The following TCF4 variants were observed in gnomAD, a reference collection of about 807,000 sequenced individuals.
The protein encoded by TCF4 is transcription factor 4, also known as SL3-3 enhancer factor 2.
A neutral mutation model predicts 82.1 loss-of-function variants in TCF4; 3 were observed. The ratio of observed to expected loss-of-function variants is 0.04; its 90% CI spans 0.02 to 0.09. The LOEUF (loss-of-function observed/expected upper bound fraction) is 0.09, where lower values mean the gene tolerates loss of function less well. Among genes scored for constraint, TCF4 ranks in the 10% least tolerant of loss-of-function variants. The pLI is 1.00. For missense variants in TCF4, 518 were observed against 852.7 expected (o/e 0.61, Z 4.89); for synonymous variants, 276 against 309.6 (o/e 0.89, Z 1.14).
At chr18:55,413,953 G>C (rs185229357) in intron 5 of TCF4, among the ~76,000 whole-genome samples, 1 of 152,170 alleles carries the variant, frequency 6.6e-6, no homozygotes, top group African/African-American at 2.4e-5. Flanking sequence ...GGATGCAAGA[G>C]AGTCAACAAT....
rs555488030 is a variant in TCF4, at chr18:55,401,622, G to A, written c.369+1832C>T. On this transcript the variant is annotated intron_variant, in intron 6 of 19. Coordinates refer to ENST00000354452, the MANE Select transcript of TCF4 (RefSeq NM_001083962.2). ...AAAAAAATTAACTTCAGTTTCACCC[G>A]AGGGAAGTATTCCCCACAAACGGAG... 82 of 988,962 alleles carry A rather than the reference G, an allele frequency of 8.3e-5. No individual in the cohort carries two copies. The East Asian group carries it at 3.3e-3, about 40-fold the overall frequency. The allele number at this position is 988,962 out of a possible 1,614,324, so 61.3% of individuals were successfully genotyped here.
At chr18:55,603,406 G>A (rs558004591) in intron 2 of TCF4, among the ~76,000 whole-genome samples, 5 of 152,202 alleles carry the variant, frequency 3.3e-5, no homozygotes, top group African/African-American at 9.6e-5. Flanking sequence ...ATTATAAAGA[G>A]CTCATGTATT....
chr18:55,351,926 T>A, intron 6 of TCF4: 1 of 830,222 alleles, frequency 1.2e-6, no homozygotes, highest in Non-Finnish European at 1.5e-6. Flanking sequence ...AATAAAGAAA[T>A]TTTAAAATTA....
At chr18:55,356,023 C>G (rs2083422179) in intron 6 of TCF4, among the ~76,000 whole-genome samples, 1 of 152,068 alleles carries the variant, frequency 6.6e-6, no homozygotes, top group Admixed American at 6.6e-5. Flanking sequence ...CTAAACCATA[C>G]TTTCTTCCCG....
At chr18:55,530,208 G>A (rs1215935346) in intron 3 of TCF4, among the ~76,000 whole-genome samples, 4 of 152,146 alleles carry the variant, frequency 2.6e-5, no homozygotes, top group African/African-American at 9.7e-5. Flanking sequence ...ACAAAAAATG[G>A]GGACTAAAAC....
intron 8 of TCF4, among the ~76,000 whole-genome samples, chr18:55,324,288 A>G (rs952443961): frequency 6.6e-5 from 10 of 152,230 alleles, no homozygotes; most frequent in African/African-American, 2.2e-4. Context: ...CCAGTGAGAC[A>G]CTGAACGTAT....
At chr18:55,425,570 T>TCA (rs751876435) in intron 5 of TCF4, among the ~76,000 whole-genome samples, 5 of 151,086 alleles carry the variant, frequency 3.3e-5, no homozygotes, top group Non-Finnish European at 7.4e-5. Context: ...TAGGAAGGGA[T>TCA]CACCTTGTGT....
chr18:55,474,283 T>C (rs2145294392), intron 3 of TCF4, among the ~76,000 whole-genome samples: 1 of 152,296 alleles, frequency 6.6e-6, no homozygotes, highest in East Asian at 1.9e-4. Context: ...AACCATACAG[T>C]ACAACCTTGT....
At chr18:55,581,666 T>C (rs1192646896) in intron 3 of TCF4, among the ~76,000 whole-genome samples, 1 of 152,058 alleles carries the variant, frequency 6.6e-6, no homozygotes, top group Admixed American at 6.6e-5. Flanking sequence ...TTCTGTATCA[T>C]ACAAAACTAC....
At chr18:55,469,925 T>C (rs772718040) in intron 3 of TCF4, among the ~76,000 whole-genome samples, 2 of 152,208 alleles carry the variant, frequency 1.3e-5, no homozygotes, top group Non-Finnish European at 2.9e-5. Flanking sequence ...TTTAAAATAC[T>C]GAGCAGACAA....
chr18:55,506,867 C>CT (rs901825211), intron 3 of TCF4, among the ~76,000 whole-genome samples: 672 of 139,706 alleles, frequency 4.8e-3, no homozygotes, highest in Admixed American at 5.5e-3. Context: ...TTTTTTTTTT[C>CT]TTTTTTTTTT....
At chr18:55,456,172 A>G (rs2095749328) in intron 5 of TCF4, among the ~76,000 whole-genome samples, 1 of 152,252 alleles carries the variant, frequency 6.6e-6, no homozygotes, top group South Asian at 2.1e-4. Flanking sequence ...CAATATGACC[A>G]CAGTAACCAA....
At chr18:55,248,202 C>T (rs560897539) in intron 15 of TCF4, among the ~76,000 whole-genome samples, 5 of 152,184 alleles carry the variant, frequency 3.3e-5, no homozygotes, top group South Asian at 4.2e-4. Context: ...ATCTGCTCTC[C>T]GAAATACCTG....
rs189610944 is a variant in TCF4 at position 55,261,427 on chromosome 18, C to T, written c.990+39G>A. 1.7e-4 allele frequency: 265 copies of T among 1,605,840 alleles called. No individual in the cohort carries two copies. In the African/African-American group the frequency reaches 3.0e-3, roughly 18 times the overall value. On this transcript the variant is annotated intron_variant, in intron 12 of 19. Coordinates refer to ENST00000354452, the MANE Select transcript of TCF4 (RefSeq NM_001083962.2). ...ACTTCTGATTAAAGTTCACCCTTTA[C>T]AATGGTACATATGGAGTCCAAAGTC...
intron 5 of TCF4, among the ~76,000 whole-genome samples, chr18:55,421,450 T>A (rs1370004150): frequency 6.6e-6 from 1 of 152,234 alleles, no homozygotes; most frequent in African/African-American, 2.4e-5. Flanking sequence ...AGTTTCTCTC[T>A]TCCCTTAACA....
At chr18:55,238,376 T>C (rs185164999) in intron 15 of TCF4, among the ~76,000 whole-genome samples, 38 of 152,334 alleles carry the variant, frequency 2.5e-4, no homozygotes, top group Non-Finnish European at 4.4e-4. Flanking sequence ...TATTCATTGA[T>C]TGATCAGAGA....
chr18:55,359,298 T>C (rs116767621), intron 6 of TCF4, among the ~76,000 whole-genome samples: 48 of 152,370 alleles, frequency 3.2e-4, no homozygotes, highest in African/African-American at 1.1e-3. Context: ...TTGTTTATTA[T>C]TATTTCTTTT....
rs1355485654 is a variant in TCF4 at position 55,226,272 on chromosome 18, GA to G, written c.*1762del. The G allele has an allele frequency of 7.7e-6, 1 of 129,834 alleles. No individual in the cohort carries two copies. The highest frequency in any genetic ancestry group is 1.7e-5 in the Non-Finnish European group (1 of 57,480). 8.0% of individuals were successfully genotyped at this position (129,834 alleles called of 1,614,324 possible). A position where few individuals can be genotyped will look rare whatever the true frequency, so the allele number is the denominator to read the frequency against. ...TAGGTGGAAAAACTACTTGAACAGGGATTTTTTTTTTTCTTAATACATGCCA... is the reference window on the plus strand; with the variant it reads ...TAGGTGGAAAAACTACTTGAACAGGGTTTTTTTTTTTCTTAATACATGCCA... On this transcript the variant is annotated 3_prime_UTR_variant, in exon 20 of 20. Coordinates refer to ENST00000354452, the MANE Select transcript of TCF4 (RefSeq NM_001083962.2).
intron 5 of TCF4, among the ~76,000 whole-genome samples, chr18:55,453,163 T>C (rs535461735): frequency 6.6e-6 from 1 of 152,200 alleles, no homozygotes; most frequent in African/African-American, 2.4e-5. Context: ...GGGGAAGCAG[T>C]GTGGTGGGGA....
Sources: allele counts gnomAD v4.1 joint callset (sites outside exome capture counted in the v4.1 genomes callset), GRCh38; gene constraint gnomAD v4.1.1; transcripts MANE v1.5; gene names NCBI Gene and HGNC (gene_info 2026-07-23, HGNC 2026-07-21).